TP53I13: variants seen among roughly 807,000 people sequenced by gnomAD.
The protein encoded by TP53I13 is tumor protein p53 inducible protein 13, also known as tumor protein p53-inducible protein 13.
TP53I13 carries 27 observed loss-of-function variants against 39.1 expected under a neutral mutation model. The ratio of observed to expected loss-of-function variants is 0.69; its 90% confidence interval spans 0.51 to 0.95. The LOEUF is 0.95. TP53I13 is among the 40% of genes least tolerant of loss of function. The pLI is 0.00. For synonymous variants in TP53I13, 230 were observed against 224.6 expected, an observed-to-expected ratio of 1.02 and a Z score of -0.22; for missense variants, 544 against 520.4, an observed-to-expected ratio of 1.05 and a Z score of -0.44.
upstream of TP53I13, chr17:29,567,465 CCG>C (rs2032750372): frequency 2.6e-5 from 4 of 151,736 alleles, no homozygotes; most frequent in South Asian, 4.1e-4. This position sits in a 1 kb window ranked among gnomAD's most constrained non-coding sequence, Gnocchi z 6.6. Flanking sequence ...GGGGCGGCGG[CCG>C]CGCGCGCGCT....
downstream of TP53I13, chr17:29,576,726 C>T: frequency 2.5e-6 from 4 of 1,607,188 alleles, no homozygotes; most frequent in Non-Finnish European, 3.4e-6. Flanking sequence ...GAGGCCAACA[C>T]CCGCAGGGGG....
chr17:29,566,433 G>A (rs757344588), upstream of TP53I13: 2 of 1,612,482 alleles, frequency 1.2e-6, 1 homozygote, highest in South Asian at 2.2e-5. Context: ...GGGCGAGCAA[G>A]CAAAGGCCGA....
At chr17:29,573,453 T>TTCTC (rs1386960930), downstream of TP53I13, 2 of 153,182 alleles carry the variant, frequency 1.3e-5, no homozygotes, top group African/African-American at 4.8e-5. Context: ...CCAGCCCCCA[T>TTCTC]TCTCTAAGCA....
In TP53I13 at chr17:29,572,959, TC is replaced by T; in HGVS notation, c.*39del. 3 of 1,363,792 alleles carry T rather than the reference TC, an allele frequency of 2.2e-6. No individual in the cohort carries two copies. The highest frequency in any genetic ancestry group is 2.8e-6 in the Non-Finnish European group (3 of 1,061,838). 84.5% of individuals were successfully genotyped at this position (1,363,792 alleles called of 1,614,324 possible). A position where few individuals can be genotyped will look rare whatever the true frequency, so the allele number is the denominator to read the frequency against. ...ACCTGCCACTGTGGCGTGCGGCTCC[TC>T]CCCGCGCCGCGAGGCCGCGACCTCT... On this transcript the variant is annotated 3_prime_UTR_variant, in exon 7 of 7. Coordinates refer to ENST00000301057, the MANE Select transcript of TP53I13 (RefSeq NM_138349.4).
chr17:29,582,117 T>C, the TP53I13 span: 1 of 1,593,948 alleles, frequency 6.3e-7, no homozygotes, highest in Non-Finnish European at 8.5e-7. Flanking sequence ...GTCTCCAGGT[T>C]GCCTGTCCGC....
chr17:29,568,718 CG>C lies in TP53I13; in HGVS notation c.-39del. 1 of 1,349,364 alleles carries C rather than the reference CG, an allele frequency of 7.4e-7. No homozygotes were observed. The highest frequency in any genetic ancestry group is 9.5e-7 in the Non-Finnish European group (1 of 1,049,938). 83.6% of individuals were successfully genotyped at this position (1,349,364 alleles called of 1,614,324 possible). ...CGGGGCGCGCGCGCTCCCTCGCTGG[CG>C]GAGCGGCTGGGCGGCGGGCCGGGCC... is the stretch of plus-strand genomic sequence containing the variant. On this transcript the variant is annotated 5_prime_UTR_variant, in exon 1 of 7. Coordinates refer to ENST00000301057, the MANE Select transcript of TP53I13 (RefSeq NM_138349.4). The surrounding 1 kb of genome is among the most constrained non-coding windows in gnomAD (Gnocchi z 4.5).
chr17:29,574,519 C>T (rs769006617), downstream of TP53I13: 3 of 661,668 alleles, frequency 4.5e-6, no homozygotes, highest in African/African-American at 1.8e-5. Context: ...CCTGCCCCCC[C>T]ACCTCCCCAT....
chr17:29,579,318 T>TA, the TP53I13 span: 1 of 400,486 alleles, frequency 2.5e-6, no homozygotes, highest in South Asian at 3.4e-5. Context: ...TCCCTCCTTC[T>TA]AGTTTTGTCC....
At chr17:29,576,239 A>G (rs770772520), downstream of TP53I13, 23 of 1,608,328 alleles carry the variant, frequency 1.4e-5, no homozygotes, top group South Asian at 2.2e-4. Flanking sequence ...GAAAGGCTGC[A>G]GCCGCGTAGT....
chr17:29,576,783 G>A (rs1479385657), downstream of TP53I13: 8 of 1,575,754 alleles, frequency 5.1e-6, no homozygotes, highest in Non-Finnish European at 6.9e-6. Context: ...AGGCCCCTGG[G>A]CTACAAGAGG....
downstream of TP53I13, chr17:29,575,796 G>A: frequency 1.2e-6 from 2 of 1,612,562 alleles, no homozygotes; most frequent in Admixed American, 1.7e-5. This position sits in a 1 kb window ranked among gnomAD's most constrained non-coding sequence, Gnocchi z 5.5. Context: ...GTGGGCACTG[G>A]GCATGGAAAC....
At chr17:29,570,108 T>C (rs1230390951) in intron 3 of TP53I13, 1 of 148,878 alleles carries the variant, frequency 6.7e-6, no homozygotes, top group Non-Finnish European at 1.5e-5. Flanking sequence ...GGTTTCACCA[T>C]GTTGCCCACG....
At chr17:29,581,498 A>G in the TP53I13 span, 1 of 845,538 alleles carries the variant, frequency 1.2e-6, no homozygotes, top group Non-Finnish European at 2.0e-6. This position sits in a 1 kb window ranked among gnomAD's most constrained non-coding sequence, Gnocchi z 4.8. Context: ...GAAAGTGGGG[A>G]GGGCAGGCCA....
chr17:29,577,016 A>G (rs1163250871), downstream of TP53I13: 1 of 1,604,200 alleles, frequency 6.2e-7, no homozygotes, highest in African/African-American at 1.3e-5. Context: ...CAGGAGTGTC[A>G]CTCAGGCCAC....
the TP53I13 span, chr17:29,578,585 G>GA: frequency 8.1e-6 from 7 of 867,258 alleles, no homozygotes; most frequent in Non-Finnish European, 9.9e-6. Context: ...GGAGGTCAGG[G>GA]AGAGGGGACT....
the TP53I13 span, chr17:29,578,439 G>GC: frequency 7.0e-7 from 1 of 1,431,642 alleles, no homozygotes; most frequent in Non-Finnish European, 9.9e-7. Context: ...CAGCTCCCCA[G>GC]CATGTTGTGA....
chr17:29,577,112 C>CACCCTCCCACACA (rs1302753501), downstream of TP53I13: 6 of 1,609,614 alleles, frequency 3.7e-6, no homozygotes, highest in Non-Finnish European at 5.1e-6. Flanking sequence ...CTGCTTCCCA[C>CACCCTCCCACACA]ACCCTCCCAC....
At chr17:29,566,560 G>A (rs2032717241), upstream of TP53I13, 6 of 1,609,262 alleles carry the variant, frequency 3.7e-6, no homozygotes, top group African/African-American at 1.3e-5. Context: ...CCAGTCCAGG[G>A]CCACTAGCCC....
At chr17:29,571,430 T>TG in intron 3 of TP53I13, 161 bp from the exon 4 acceptor site, 1 of 903,760 alleles carries the variant, frequency 1.1e-6, no homozygotes, top group Non-Finnish European at 1.6e-6. Context: ...AGTGGGTACA[T>TG]GCCAATACCC....
Sources: gnomAD v4.1 joint callset for allele counts on GRCh38, gnomAD v4.1.1 for gene constraint, Gnocchi (gnomAD v3.1) non-coding constraint, MANE v1.5 for transcripts, NCBI Gene and HGNC (gene_info 2026-07-23, HGNC 2026-07-21) for gene names.